The following DDR2 variants were observed in gnomAD, a reference collection of about 807,000 sequenced individuals.
DDR2 encodes discoidin domain-containing receptor 2.
DDR2 carries 27 observed loss-of-function variants against 94.9 expected under a neutral mutation model. The ratio of observed to expected loss-of-function variants is 0.28; its 90% CI spans 0.21 to 0.39. The LOEUF is 0.39. Among genes scored for constraint, DDR2 ranks in the 10% least tolerant of loss-of-function variants. The pLI is 1.00. For missense variants in DDR2, 783 were observed against 1,076.0 expected (o/e 0.73, Z 3.81); for synonymous variants, 382 against 377.2 (o/e 1.01, Z -0.15).
At chr1:162,730,529 A>G (rs930493296) in intron 3 of DDR2, among the ~76,000 whole-genome samples, 5 of 152,230 alleles carry the variant, frequency 3.3e-5, no homozygotes, top group Non-Finnish European at 5.9e-5. Context: ...GAAGTATGCA[A>G]TGATGTGTAC....
chr1:162,774,063 G>C (rs61812966), intron 14 of DDR2, among the ~76,000 whole-genome samples: 145,183 of 152,006 alleles, frequency 0.96, 69,686 homozygotes, highest in East Asian at 1. Flanking sequence ...TCTTCTATTT[G>C]AGCAACCCTC....
At chr1:162,749,118 A>T (rs1453598678) in intron 3 of DDR2, among the ~76,000 whole-genome samples, 1 of 152,180 alleles carries the variant, frequency 6.6e-6, no homozygotes, top group African/African-American at 2.4e-5. Flanking sequence ...GAGCAAACAC[A>T]TTCAAAAGCT....
rs186401701 is a variant in DDR2 at position 162,676,842 on chromosome 1, G to A, written c.-28+21468G>A. On this transcript the variant is annotated intron_variant, in intron 2 of 17. Transcript: ENST00000367921. ...AAGTTGCACAGCTAGAAAGTAGAGA[G>A]CTGAAACAGGAACTCAAAGCCTGGG... Among the ~76,000 whole-genome samples, 7 of 152,340 alleles carry A rather than the reference G, an allele frequency of 4.6e-5. No homozygotes were observed. The East Asian group carries it at 1.4e-3, about 29-fold the overall frequency.
chr1:162,721,288 A>G (rs1661410444), intron 3 of DDR2, among the ~76,000 whole-genome samples: 2 of 152,192 alleles, frequency 1.3e-5, no homozygotes, highest in African/African-American at 4.8e-5. Context: ...GGCTATTTGG[A>G]GACAGCAAAT....
intron 3 of DDR2, among the ~76,000 whole-genome samples, chr1:162,749,467 A>G (rs1475782822): frequency 6.6e-6 from 1 of 152,242 alleles, no homozygotes; most frequent in African/African-American, 2.4e-5. Flanking sequence ...AAGAAGTCGA[A>G]TCCCTGAATA....
chr1:162,728,463 AGGG>A (rs1661832576), intron 3 of DDR2, among the ~76,000 whole-genome samples: 1 of 152,024 alleles, frequency 6.6e-6, no homozygotes, highest in African/African-American at 2.4e-5. Context: ...GTGATTATTG[AGGG>A]GTCATGAAGG....
intron 2 of DDR2, among the ~76,000 whole-genome samples, chr1:162,676,569 A>G (rs938485714): frequency 6.6e-5 from 10 of 152,234 alleles, no homozygotes; most frequent in African/African-American, 2.4e-4. Flanking sequence ...ATTAAGCTCA[A>G]ACATAGACTC....
At position 162,642,098 on chromosome 1, in the gene DDR2, C is replaced by T. The variant is rs552089917; in HGVS notation, c.-192+9467C>T. Among the ~76,000 whole-genome samples, 194 of 152,152 alleles carry T rather than the reference C, an allele frequency of 1.3e-3. 3 individuals carry two copies. Among genetic ancestry groups the T allele is most frequent in the African/African-American group, 4.4e-3 (181 of 41,480 alleles). On this transcript the variant is annotated intron_variant, in intron 1 of 17. Coordinates refer to ENST00000367921, the MANE Select transcript of DDR2 (RefSeq NM_006182.4). ...TCAGCCTCCGAAGTAGCTGGGATTA[C>T]AGGCACCCACACCACGCCCAGCTAA...
chr1:162,677,347 G>A (rs1659183057), intron 2 of DDR2, among the ~76,000 whole-genome samples: 1 of 152,156 alleles, frequency 6.6e-6, no homozygotes, highest in African/African-American at 2.4e-5. Context: ...AGTCAAGAGG[G>A]CAAGTACCCT....
intron 7 of DDR2, among the ~76,000 whole-genome samples, chr1:162,756,934 T>C (rs1204322791): frequency 6.6e-6 from 1 of 152,228 alleles, no homozygotes; most frequent in Non-Finnish European, 1.5e-5. Flanking sequence ...ACTGTTACTA[T>C]ATACAAGGAA....
Position 162,780,281 on chromosome 1 carries a change from G to C in DDR2, c.*35G>C. ...TGCCTGGCCATGTTCCTACGGCTCAGGTCCTCCCTACAAGACCTACCACTC... is the reference window on the plus strand; with the variant it reads ...TGCCTGGCCATGTTCCTACGGCTCACGTCCTCCCTACAAGACCTACCACTC... On this transcript the variant is annotated 3_prime_UTR_variant, in exon 18 of 18. Transcript: ENST00000367921. The C allele has an allele frequency of 6.2e-7, 1 of 1,613,320 alleles. No individual in the cohort carries two copies. Among genetic ancestry groups the C allele is most frequent in the Non-Finnish European group, 8.5e-7 (1 of 1,179,678 alleles).
chr1:162,657,260 T>C (rs1205539396), intron 2 of DDR2, among the ~76,000 whole-genome samples: 1 of 152,182 alleles, frequency 6.6e-6, no homozygotes, highest in African/African-American at 2.4e-5. Context: ...TGTCATATTA[T>C]CCCTGGAACT....
At position 162,761,296 on chromosome 1, in the gene DDR2, A is replaced by C; in HGVS notation, c.941A>C (p.Glu314Ala). ...CYFRSEASEW[E>A]PNAISFPLVL... is the part of the protein sequence containing the mutation. ...TTCCGCTCTGAAGCCAGTGAGTGGGAACCTAATGCCATTTCCTTCCCCCTT... is the reference window on the plus strand; with the variant it reads ...TTCCGCTCTGAAGCCAGTGAGTGGGCACCTAATGCCATTTCCTTCCCCCTT... The change falls in exon 9 of 18, where the codon GAA becomes GCA. Residue 314 changes from glutamate (E) to alanine (A), a missense_variant. Glu to Ala is a moderately radical substitution (Grantham distance 107, BLOSUM62 -1). Around this residue, in one of 2 missense-constraint regions of DDR2, gnomAD observed 519 missense variants for 647.9 expected, o/e 0.80. Coordinates refer to ENST00000367921, the MANE Select transcript of DDR2 (RefSeq NM_006182.4). 3 of 1,614,144 alleles carry C rather than the reference A, an allele frequency of 1.9e-6. No individual in the cohort carries two copies. Among genetic ancestry groups the C allele is most frequent in the Non-Finnish European group, 2.5e-6 (3 of 1,180,020 alleles).
Position 162,767,293 on chromosome 1 carries a change from C to A in DDR2, c.1227C>A (p.Ile409=), listed in dbSNP as rs149841590. The change falls in exon 11 of 18, where the codon ATC becomes ATA. Residue 409 remains isoleucine, a synonymous_variant. Transcript: ENST00000367921. ...TGATTGGCTGCTTGGTGGCCATCAT[C>A]TTTATCCTCCTGGCCATCATTGTCA... is the stretch of plus-strand genomic sequence containing the variant. ...RILIGCLVAI[I]FILLAIIVII... is the part of the protein sequence containing the mutation. 55 of 1,613,998 alleles carry A rather than the reference C, an allele frequency of 3.4e-5. No individual in the cohort carries two copies. The highest frequency in any genetic ancestry group is 4.4e-5 in the Non-Finnish European group (52 of 1,180,012).
At chr1:162,707,512 G>A (rs1660716262) in intron 2 of DDR2, among the ~76,000 whole-genome samples, 1 of 152,140 alleles carries the variant, frequency 6.6e-6, no homozygotes, top group African/African-American at 2.4e-5. Flanking sequence ...TATTCATCCA[G>A]GTCCACTTAT....
chr1:162,719,872 C>A (rs971831309), intron 3 of DDR2, among the ~76,000 whole-genome samples: 2 of 152,060 alleles, frequency 1.3e-5, no homozygotes, highest in Non-Finnish European at 2.9e-5. Context: ...GCTATTGGCT[C>A]ATCTAGGATG....
intron 1 of DDR2, among the ~76,000 whole-genome samples, chr1:162,640,947 G>A (rs900231389): frequency 6.6e-6 from 1 of 152,116 alleles, no homozygotes. Context: ...GTAGAGATGA[G>A]GTTTCACTAT....
intron 2 of DDR2, among the ~76,000 whole-genome samples, chr1:162,679,979 GT>G (rs1262887228): frequency 6.6e-6 from 1 of 152,056 alleles, no homozygotes; most frequent in African/African-American, 2.4e-5. Flanking sequence ...TTTTAATGGG[GT>G]TGTTTGGTTT....
intron 10 of DDR2, among the ~76,000 whole-genome samples, 187 bp from the exon 11 acceptor site, chr1:162,767,042 A>AAT (rs397818189): frequency 2.7e-5 from 3 of 110,988 alleles, no homozygotes; most frequent in African/African-American, 1.0e-4. Flanking sequence ...AAAAAAAAAA[A>AAT]GTAATAAAAC....
Sources: allele counts gnomAD v4.1 joint callset (sites outside exome capture counted in the v4.1 genomes callset), GRCh38; gene constraint gnomAD v4.1.1; regional missense constraint gnomAD v4.1.1; transcripts MANE v1.5; gene names NCBI Gene and HGNC (gene_info 2026-07-23, HGNC 2026-07-21).